Variants in PTPRK observed in about 807,000 individuals in gnomAD.
PTPRK encodes protein tyrosine phosphatase receptor type K, also known as receptor-type tyrosine-protein phosphatase kappa.
A neutral mutation model predicts 178.0 loss-of-function variants in PTPRK; 75 were observed. That is an observed-to-expected ratio of 0.42 (90% CI 0.35 to 0.51). PTPRK has a LOEUF of 0.51. Among genes scored for constraint, PTPRK ranks in the 20% least tolerant of loss-of-function variants. The pLI is 0.02. For missense variants in PTPRK, 1,441 were observed against 1,797.8 expected, an observed-to-expected ratio of 0.80 and a Z score of 3.59; for synonymous variants, 637 against 620.6, an observed-to-expected ratio of 1.03 and a Z score of -0.39.
intron 3 of PTPRK, among the ~76,000 whole-genome samples, chr6:128,318,081 T>C (rs1311764597): frequency 6.6e-6 from 1 of 152,128 alleles, no homozygotes; most frequent in African/African-American, 2.4e-5. Flanking sequence ...CTTTCTAAAG[T>C]GGGTCTCTAT....
intron 5 of PTPRK, among the ~76,000 whole-genome samples, chr6:128,226,761 CATAT>C (rs71028117): frequency 0.2 from 22,156 of 109,134 alleles, 2,438 homozygotes; most frequent in Admixed American, 0.35. Flanking sequence ...ATTATATAGA[CATAT>C]ATATATATAT....
At chr6:128,512,668 A>T (rs531705962) in intron 1 of PTPRK, among the ~76,000 whole-genome samples, 1 of 152,350 alleles carries the variant, frequency 6.6e-6, no homozygotes, top group South Asian at 2.1e-4. Context: ...ATGCAAGTAA[A>T]ATTGTGTTTT....
At chr6:128,164,741 T>G (rs889733465) in intron 7 of PTPRK, among the ~76,000 whole-genome samples, 7 of 151,066 alleles carry the variant, frequency 4.6e-5, no homozygotes, top group Non-Finnish European at 8.9e-5. Flanking sequence ...TTAAAAACAT[T>G]TAATAAATTA....
chr6:127,992,323 A>G (rs1776702467), intron 19 of PTPRK, among the ~76,000 whole-genome samples: 1 of 151,808 alleles, frequency 6.6e-6, no homozygotes, highest in Non-Finnish European at 1.5e-5. Context: ...ACTTGCTGCA[A>G]GAAGACAGGC....
intron 1 of PTPRK, among the ~76,000 whole-genome samples, chr6:128,492,618 A>G (rs1853986937): frequency 6.6e-6 from 1 of 152,212 alleles, no homozygotes; most frequent in Admixed American, 6.5e-5. Context: ...TTTAATAAGT[A>G]AATACACTTG....
intron 1 of PTPRK, among the ~76,000 whole-genome samples, chr6:128,442,591 A>G (rs995493597): frequency 6.6e-6 from 1 of 152,192 alleles, no homozygotes; most frequent in South Asian, 2.1e-4. Flanking sequence ...CTGGCCCTGT[A>G]TACTTGTACT....
intron 7 of PTPRK, among the ~76,000 whole-genome samples, chr6:128,117,691 C>A (rs1200596768): frequency 2.0e-5 from 3 of 152,072 alleles, no homozygotes; most frequent in African/African-American, 7.2e-5. Flanking sequence ...CTTACTCTGT[C>A]GCCCAGGCTG....
At chr6:128,005,034 A>G (rs776079054) in intron 15 of PTPRK, 50 bp downstream of exon 15, 3 of 1,494,154 alleles carry the variant, frequency 2.0e-6, no homozygotes, top group Non-Finnish European at 2.7e-6. Flanking sequence ...TAGAATTCAA[A>G]GTGAAATGAG....
intron 1 of PTPRK, among the ~76,000 whole-genome samples, chr6:128,440,839 G>A (rs143251124): frequency 6.6e-6 from 1 of 152,010 alleles, no homozygotes. Flanking sequence ...CCATGCTGAT[G>A]GACGTTTAGT....
chr6:128,413,804 G>A (rs575384235), intron 1 of PTPRK, among the ~76,000 whole-genome samples: 1 of 152,192 alleles, frequency 6.6e-6, no homozygotes, highest in Admixed American at 6.5e-5. Context: ...CACTTTATAA[G>A]GATTACCTTC....
At chr6:128,237,560 T>C (rs982447473) in intron 5 of PTPRK, among the ~76,000 whole-genome samples, 2 of 152,212 alleles carry the variant, frequency 1.3e-5, no homozygotes, top group South Asian at 4.1e-4. Context: ...GTTTAGCATC[T>C]TACAGCTGGA....
At position 128,366,567 on chromosome 6, in the gene PTPRK, G is replaced by A. The variant is rs182853126; in HGVS notation, c.223+30999C>T. ...AGACTACTACAAAGTGGATATCACA[G>A]TATCCATTTTTATGGCTGAGTAAAT... On this transcript the variant is annotated intron_variant, in intron 2 of 29. Coordinates refer to ENST00000368226, the MANE Select transcript of PTPRK (RefSeq NM_002844.4). 9.3e-4 allele frequency among the ~76,000 whole-genome samples: 141 copies of A among 152,216 alleles called. 1 individual carries two copies. Among genetic ancestry groups the A allele is most frequent in the African/African-American group, 3.3e-3 (137 of 41,540 alleles).
At chr6:128,434,131 A>C (rs911359465) in intron 1 of PTPRK, among the ~76,000 whole-genome samples, 9 of 152,086 alleles carry the variant, frequency 5.9e-5, no homozygotes, top group Non-Finnish European at 1.2e-4. Flanking sequence ...CTCCTGCAGG[A>C]AGATGACAAA....
chr6:128,319,540 T>C (rs1828500626), intron 3 of PTPRK, among the ~76,000 whole-genome samples: 1 of 151,984 alleles, frequency 6.6e-6, no homozygotes, highest in South Asian at 2.1e-4. Context: ...TAAAAGAAAA[T>C]GGGGATATTC....
intron 7 of PTPRK, among the ~76,000 whole-genome samples, chr6:128,176,581 A>G (rs748709906): frequency 6.6e-5 from 10 of 151,844 alleles, no homozygotes; most frequent in African/African-American, 4.8e-5. Flanking sequence ...CTGAGTTCAC[A>G]AAGTTTACTA....
intron 7 of PTPRK, among the ~76,000 whole-genome samples, chr6:128,128,010 A>C (rs2114441629): frequency 6.6e-6 from 1 of 152,340 alleles, no homozygotes; most frequent in Admixed American, 6.5e-5. Context: ...CATGAAACCA[A>C]AACAAAATGT....
At chr6:128,204,343 C>T (rs1806527918) in intron 6 of PTPRK, among the ~76,000 whole-genome samples, 1 of 152,056 alleles carries the variant, frequency 6.6e-6, no homozygotes, top group Non-Finnish European at 1.5e-5. Context: ...TAGGCAATAC[C>T]ATTCAGGACA....
At chr6:128,192,241 T>TA (rs1435482717) in intron 6 of PTPRK, among the ~76,000 whole-genome samples, 1 of 151,976 alleles carries the variant, frequency 6.6e-6, no homozygotes, top group Non-Finnish European at 1.5e-5. Context: ...CTTTCAAAAG[T>TA]AAAAAGCATA....
intron 3 of PTPRK, among the ~76,000 whole-genome samples, chr6:128,242,878 T>C (rs568923981): frequency 3.3e-5 from 5 of 152,338 alleles, no homozygotes; most frequent in African/African-American, 1.2e-4. Flanking sequence ...AGGCAATATA[T>C]AGGCAGACAT....
Sources: gnomAD v4.1 joint callset for allele counts (sites outside exome capture counted in the v4.1 genomes callset) on GRCh38, gnomAD v4.1.1 for gene constraint, MANE v1.5 for transcripts, NCBI Gene and HGNC (gene_info 2026-07-23, HGNC 2026-07-21) for gene names.